Variants in NXPE4 observed in about 807,000 individuals in gnomAD.
NXPE4 encodes neurexophilin and PC-esterase domain family member 4, also known as NXPE family member 4.
A neutral mutation model predicts 33.3 loss-of-function variants in NXPE4; 42 were observed. That is an observed-to-expected ratio of 1.26 (90% CI 0.98 to 1.63). The LOEUF (loss-of-function observed/expected upper bound fraction) is 1.63, where lower values mean the gene tolerates loss of function less well. NXPE4 is among the 40% of genes most tolerant of loss of function. The pLI is 0.00. For synonymous variants in NXPE4, 253 were observed against 234.9 expected, an observed-to-expected ratio of 1.08 and a Z score of -0.71; for missense variants, 709 against 647.6, an observed-to-expected ratio of 1.09 and a Z score of -1.03.
the NXPE4 span, among the ~76,000 whole-genome samples, chr11:114,658,971 A>G: frequency 2.6e-5 from 4 of 152,270 alleles, no homozygotes; most frequent in African/African-American, 9.6e-5. Context: ...ATTGACACAC[A>G]AGGAAGGACA....
At chr11:114,585,934 A>G (rs1288370616) in intron 2 of NXPE4, among the ~76,000 whole-genome samples, 2 of 152,184 alleles carry the variant, frequency 1.3e-5, no homozygotes, top group East Asian at 3.9e-4. Context: ...CCATGTGTAC[A>G]GTAAAAAAGC....
the NXPE4 span, among the ~76,000 whole-genome samples, chr11:114,651,520 TG>T: frequency 6.6e-6 from 1 of 152,222 alleles, no homozygotes; most frequent in Admixed American, 6.5e-5. Context: ...TGCCACAGCA[TG>T]GAAGAGAATC....
At chr11:114,587,508 A>G (rs1255480164) in intron 2 of NXPE4, among the ~76,000 whole-genome samples, 3 of 152,252 alleles carry the variant, frequency 2.0e-5, no homozygotes, top group Non-Finnish European at 4.4e-5. Context: ...ACAAGTCTAG[A>G]AAGTCAAAGG....
chr11:114,622,750 C>T, the NXPE4 span, among the ~76,000 whole-genome samples: 5 of 148,070 alleles, frequency 3.4e-5, no homozygotes, highest in South Asian at 6.5e-4. Context: ...TGTTACCCAG[C>T]GGATAAGTGT....
At chr11:114,660,919 G>GT in the NXPE4 span, among the ~76,000 whole-genome samples, 3 of 151,998 alleles carry the variant, frequency 2.0e-5, no homozygotes, top group East Asian at 1.9e-4. Context: ...TTAATATAAA[G>GT]TTTTTTTTAG....
At chr11:114,639,180 C>T in the NXPE4 span, among the ~76,000 whole-genome samples, 1 of 151,928 alleles carries the variant, frequency 6.6e-6, no homozygotes, top group Non-Finnish European at 1.5e-5. Context: ...GGTGGGCACC[C>T]CTCCCCCAGC....
chr11:114,580,751 C>G (rs1191113535), intron 4 of NXPE4, among the ~76,000 whole-genome samples: 1 of 152,114 alleles, frequency 6.6e-6, no homozygotes, highest in East Asian at 1.9e-4. Context: ...AATATAAATC[C>G]TTTGAGTTAA....
At chr11:114,629,993 T>C in the NXPE4 span, among the ~76,000 whole-genome samples, 512 of 150,608 alleles carry the variant, frequency 3.4e-3, 3 homozygotes, top group African/African-American at 0.012. Context: ...CAAGGAGAAC[T>C]ACAAACCACT....
the NXPE4 span, among the ~76,000 whole-genome samples, chr11:114,619,368 G>T: frequency 6.6e-6 from 1 of 151,956 alleles, no homozygotes; most frequent in Admixed American, 6.6e-5. Flanking sequence ...TAGATAATAA[G>T]TGTTGCCACC....
chr11:114,618,087 C>T, the NXPE4 span, among the ~76,000 whole-genome samples: 1 of 151,990 alleles, frequency 6.6e-6, no homozygotes, highest in Non-Finnish European at 1.5e-5. Flanking sequence ...TGGGTAACCA[C>T]TGTGACCCGG....
the NXPE4 span, among the ~76,000 whole-genome samples, chr11:114,635,268 CT>C: frequency 6.7e-6 from 1 of 149,650 alleles, no homozygotes; most frequent in African/African-American, 2.5e-5. Flanking sequence ...CTCTGTTTGT[CT>C]GTTGTTGGTG....
At chr11:114,586,098 T>C (rs1949290754) in intron 2 of NXPE4, among the ~76,000 whole-genome samples, 1 of 152,188 alleles carries the variant, frequency 6.6e-6, no homozygotes, top group Non-Finnish European at 1.5e-5. Flanking sequence ...GTGACCAATC[T>C]TTTTTGCCCT....
chr11:114,580,198 G>A lies in NXPE4; in HGVS notation c.1033C>T (p.Leu345Phe). The A allele has an allele frequency of 1.2e-6, 2 of 1,614,052 alleles. No individual in the cohort carries two copies. Among genetic ancestry groups the A allele is most frequent in the African/African-American group, 1.3e-5 (1 of 75,040 alleles). Residue 345 changes from leucine (L) to phenylalanine (F), a missense_variant, in exon 5 of 6, where the codon CTC becomes TTC. Physicochemically the swap from Leu to Phe is conservative, Grantham distance 22 (BLOSUM62 0). Coordinates refer to ENST00000375478, the MANE Select transcript of NXPE4 (RefSeq NM_001077639.2). Reference protein sequence around the residue: ...VKMKECLRGKLIYLMGDSTIR... With the variant: ...VKMKECLRGKFIYLMGDSTIR... The stretch of plus-strand genomic sequence containing the variant: ...GTGGAATCTCCCATTAGGTATATGA[G>A]TTTTCCTCTCAGGCATTCCTTCATT...
chr11:114,665,434 A>G, the NXPE4 span, among the ~76,000 whole-genome samples: 1 of 152,168 alleles, frequency 6.6e-6, no homozygotes. Flanking sequence ...ATTTTCAGTC[A>G]TACTTTGTGA....
chr11:114,603,590 A>T, the NXPE4 span, among the ~76,000 whole-genome samples: 3 of 150,740 alleles, frequency 2.0e-5, no homozygotes, highest in Admixed American at 6.6e-5. Context: ...GGTAACTCCT[A>T]TTACCTGGTG....
chr11:114,604,646 A>T, the NXPE4 span, among the ~76,000 whole-genome samples: 119 of 152,092 alleles, frequency 7.8e-4, no homozygotes, highest in Non-Finnish European at 1.1e-3. Context: ...AACCGCTGTT[A>T]CCCGGTGGAT....
the NXPE4 span, among the ~76,000 whole-genome samples, chr11:114,657,808 T>C: frequency 6.6e-6 from 1 of 152,196 alleles, no homozygotes; most frequent in Non-Finnish European, 1.5e-5. Context: ...TAGTTAAATA[T>C]ACTCTTTTCA....
chr11:114,608,521 G>A, the NXPE4 span, among the ~76,000 whole-genome samples: 1 of 151,958 alleles, frequency 6.6e-6, no homozygotes, highest in Non-Finnish European at 1.5e-5. Context: ...TGCCTCGTGG[G>A]TAAGCACTGT....
At chr11:114,583,772 G>T in intron 2 of NXPE4, 1 of 464,506 alleles carries the variant, frequency 2.2e-6, no homozygotes, top group South Asian at 1.7e-5. Flanking sequence ...GTTGTATGTT[G>T]ACGTTGATAT....
Sources: gnomAD v4.1 joint callset for allele counts (sites outside exome capture counted in the v4.1 genomes callset) on GRCh38, gnomAD v4.1.1 for gene constraint, MANE v1.5 for transcripts, NCBI Gene and HGNC (gene_info 2026-07-23, HGNC 2026-07-21) for gene names.